The following PCDHGA1 variants were observed in gnomAD, a reference collection of about 807,000 sequenced individuals.
The protein encoded by PCDHGA1 is protocadherin gamma subfamily A, 1.
Under a neutral mutation model 58.0 loss-of-function variants are expected in PCDHGA1, and 32 were observed. The observed-to-expected ratio is 0.55, with a 90% confidence interval of 0.42 to 0.74. PCDHGA1 has a LOEUF of 0.74. Ranked by LOEUF, PCDHGA1 falls within the 30% of genes least tolerant of loss-of-function variation. The pLI, the probability that PCDHGA1 is intolerant of heterozygous loss-of-function variation, is 0.00. For missense variants in PCDHGA1, 1,205 were observed against 1,182.3 expected, an observed-to-expected ratio of 1.02 and a Z score of -0.28; for synonymous variants, 498 against 501.1, an observed-to-expected ratio of 0.99 and a Z score of 0.08.
Position 141,491,994 on chromosome 5 carries a change from C to T in PCDHGA1, c.2422-2813C>T. On this transcript the variant is annotated intron_variant, in intron 1 of 3. Transcript: ENST00000517417. This position sits in a 1 kb window ranked among gnomAD's most constrained non-coding sequence, Gnocchi z 6.9. ...CCTCCTTCGAGCTTCCGGTGAATTT[C>T]GGGCGATTTCCGCGGGTGTCGGGGG... The T allele has an allele frequency of 4.3e-6, 3 of 693,016 alleles. No individual in the cohort carries two copies. The allele number at this position is 693,016 out of a possible 1,614,324, so 42.9% of individuals were successfully genotyped here.
intron 1 of PCDHGA1, chr5:141,343,261 G>T (rs555556385): frequency 1.7e-4 from 160 of 949,908 alleles, no homozygotes; most frequent in Non-Finnish European, 2.0e-4. Context: ...AAGTTATCAG[G>T]TCACCAAGAA....
chr5:141,377,998 G>A (rs757547607), intron 1 of PCDHGA1: 3 of 152,116 alleles, frequency 2.0e-5, no homozygotes, highest in Non-Finnish European at 4.4e-5. Context: ...CTAAAGCTTG[G>A]CTCAAATAAG....
intron 1 of PCDHGA1, chr5:141,413,956 G>A (rs2095696052): frequency 2.5e-6 from 4 of 1,613,366 alleles, no homozygotes; most frequent in African/African-American, 2.7e-5. Flanking sequence ...GAATTTGCCT[G>A]TGGGCACTCA....
At chr5:141,439,547 T>C (rs2098120171) in intron 1 of PCDHGA1, among the ~76,000 whole-genome samples, 2 of 152,180 alleles carry the variant, frequency 1.3e-5, no homozygotes, top group Non-Finnish European at 2.9e-5. Context: ...CTCTCATTTC[T>C]TCAGGCTGCA....
intron 1 of PCDHGA1, chr5:141,362,041 G>T (rs767982105): frequency 2.5e-6 from 4 of 1,610,230 alleles, no homozygotes; most frequent in Admixed American, 1.7e-5. Context: ...GGGCGACAGG[G>T]ACGCGGCCCG....
In PCDHGA1 at chr5:141,491,786, C is replaced by T; in HGVS notation, c.2422-3021C>T. The stretch of plus-strand genomic sequence containing the variant: ...CCTCATAAGGGATTGAACTTGCATC[C>T]ACTCCTCTCCGGCCGGCTTGGTCGC... On this transcript the variant is annotated intron_variant, in intron 1 of 3. Coordinates refer to ENST00000517417, the MANE Select transcript of PCDHGA1 (RefSeq NM_018912.3). This position sits in a 1 kb window ranked among gnomAD's most constrained non-coding sequence, Gnocchi z 6.9. The T allele has an allele frequency of 1.3e-6, 2 of 1,529,640 alleles. No individual in the cohort carries two copies. The highest frequency in any genetic ancestry group is 2.5e-5 in the South Asian group (2 of 80,832). The allele number at this position is 1,529,640 out of a possible 1,614,324, so 94.8% of individuals were successfully genotyped here.
intron 1 of PCDHGA1, chr5:141,375,772 G>C (rs769630296): frequency 2.5e-6 from 4 of 1,614,228 alleles, no homozygotes; most frequent in Admixed American, 3.3e-5. Flanking sequence ...CCGAGATCCT[G>C]TACCCCGCCC....
rs748950800 is a variant in PCDHGA1, at chr5:141,476,983, C to T, written c.2422-17824C>T. ...ACTCCTTCGGCAGCCACAACCGCGC[C>T]GGCGTGCGGCAACTATTCGCCTTAG... On this transcript the variant is annotated intron_variant, in intron 1 of 3. Transcript: ENST00000517417. The surrounding 1 kb of genome is among the most constrained non-coding windows in gnomAD (Gnocchi z 7.6). 12 of 1,614,096 alleles carry T rather than the reference C, an allele frequency of 7.4e-6. No individual in the cohort carries two copies. The highest frequency in any genetic ancestry group is 8.5e-7 in the Non-Finnish European group (1 of 1,180,046).
chr5:141,463,424 CT>C (rs2099058999), intron 1 of PCDHGA1, among the ~76,000 whole-genome samples: 1 of 148,698 alleles, frequency 6.7e-6, no homozygotes, highest in Non-Finnish European at 1.5e-5. Flanking sequence ...TTTGCGGATC[CT>C]CATTTCCTTC....
intron 1 of PCDHGA1, among the ~76,000 whole-genome samples, chr5:141,380,096 T>C (rs1180401530): frequency 3.3e-5 from 5 of 151,838 alleles, no homozygotes; most frequent in Non-Finnish European, 5.9e-5. Flanking sequence ...GATGGGGTTT[T>C]ACCATGATGG....
intron 1 of PCDHGA1, among the ~76,000 whole-genome samples, chr5:141,442,917 G>A (rs1041756930): frequency 6.6e-6 from 1 of 152,178 alleles, no homozygotes; most frequent in Non-Finnish European, 1.5e-5. Context: ...GCACACAACT[G>A]TTTCATTTTC....
At chr5:141,336,994 A>G (rs1477375392) in intron 1 of PCDHGA1, among the ~76,000 whole-genome samples, 1 of 152,258 alleles carries the variant, frequency 6.6e-6, no homozygotes, top group East Asian at 1.9e-4. Context: ...TTCTCCAAAG[A>G]TGATATACAA....
In PCDHGA1 at chr5:141,374,100, G is replaced by A. The variant is rs767728339; in HGVS notation, c.2421+40995G>A. ...AAGCCAGTAATGGCGCCTCCGCAGA[G>A]GCATCCGCAGCGCAGCGAGCAGGTC... On this transcript the variant is annotated intron_variant, in intron 1 of 3. Coordinates refer to ENST00000517417, the MANE Select transcript of PCDHGA1 (RefSeq NM_018912.3). 5.1e-6 allele frequency: 8 copies of A among 1,564,992 alleles called. No individual in the cohort carries two copies. The highest frequency in any genetic ancestry group is 6.1e-6 in the Non-Finnish European group (7 of 1,153,928).
At chr5:141,383,300 T>C in intron 1 of PCDHGA1, 1 of 1,613,968 alleles carries the variant, frequency 6.2e-7, no homozygotes, top group Non-Finnish European at 8.5e-7. Context: ...CCAAGATTCT[T>C]GACGGAAGAA....
At position 141,333,030 on chromosome 5, in the gene PCDHGA1, G is replaced by A; in HGVS notation, c.2346G>A (p.Gln782=). The change falls in exon 1 of 4, where the codon CAG becomes CAA. Residue 782 remains glutamine, a synonymous_variant. Transcript: ENST00000517417. Reference sequence around the variant, plus strand: ...ACTATGCGGACACACTCATCAGCCAGGAGAGCTGTGAGAAAAAGGGTTTTC... The same window carrying A: ...ACTATGCGGACACACTCATCAGCCAAGAGAGCTGTGAGAAAAAGGGTTTTC... ...QPNYADTLIS[Q]ESCEKKGFLS... is the part of the protein sequence containing the mutation. The A allele has an allele frequency of 6.2e-7, 1 of 1,614,194 alleles. No homozygotes were observed. Among genetic ancestry groups the A allele is most frequent in the Non-Finnish European group, 8.5e-7 (1 of 1,180,040 alleles).
intron 1 of PCDHGA1, chr5:141,423,755 G>T (rs1236551808): frequency 9.8e-6 from 5 of 512,508 alleles, no homozygotes; most frequent in Non-Finnish European, 1.3e-5. Flanking sequence ...CTGTTTGGGG[G>T]GGGGGTGGGG....
Position 141,477,598 on chromosome 5 carries a change from C to A in PCDHGA1, c.2422-17209C>A. The A allele has an allele frequency of 6.2e-7, 1 of 1,614,180 alleles. No homozygotes were observed. The highest frequency in any genetic ancestry group is 8.5e-7 in the Non-Finnish European group (1 of 1,180,030). ...CCCCGCAGAATGCTCGGCTTTCTTT[C>A]TTTCTCTTGGAGCAAGGAGCTGAAA... On this transcript the variant is annotated intron_variant, in intron 1 of 3. Transcript: ENST00000517417. This position sits in a 1 kb window ranked among gnomAD's most constrained non-coding sequence, Gnocchi z 4.9.
chr5:141,404,572 A>G (rs755182149), intron 1 of PCDHGA1: 79 of 1,613,728 alleles, frequency 4.9e-5, no homozygotes, highest in Non-Finnish European at 6.0e-5. Context: ...GTGGAAGCCC[A>G]CCACTTAGCA....
chr5:141,348,105 C>T (rs1302310660), intron 1 of PCDHGA1, among the ~76,000 whole-genome samples: 1 of 152,210 alleles, frequency 6.6e-6, no homozygotes, highest in East Asian at 1.9e-4. Flanking sequence ...GCTTATTCTG[C>T]AATTTATGAA....
Sources: allele counts gnomAD v4.1 joint callset (sites outside exome capture counted in the v4.1 genomes callset), GRCh38; gene constraint gnomAD v4.1.1; non-coding constraint Gnocchi (gnomAD v3.1); transcripts MANE v1.5; gene names NCBI Gene and HGNC (gene_info 2026-07-23, HGNC 2026-07-21).